Variants in FYB2 observed in about 807,000 individuals in gnomAD.
FYB2 encodes FYN binding protein 2, also known as FYN-binding protein 2.
FYB2 carries 103 observed loss-of-function variants against 94.1 expected under a neutral mutation model. That is an observed-to-expected ratio of 1.09 (90% confidence interval 0.93 to 1.29). FYB2 has a LOEUF of 1.29. FYB2 is among the 50% of genes most tolerant of loss of function. The pLI is 0.00. For synonymous variants in FYB2, 293 were observed against 287.9 expected (o/e 1.02, Z -0.18); for missense variants, 896 against 841.5 (o/e 1.06, Z -0.80).
At position 56,720,193 on chromosome 1, in the gene FYB2, C is replaced by A; in HGVS notation, c.2111G>T (p.Cys704Phe). ...IDTTEQNLVI[C>F]RNSKGKYGYV... Reference sequence around the variant, plus strand: ...CTTACATTTGCCTTTAGAATTACGACATATCACTAGATTTTGTTCGGTGGT... The same window carrying A: ...CTTACATTTGCCTTTAGAATTACGAAATATCACTAGATTTTGTTCGGTGGT... The change falls in exon 18 of 20, where the codon TGT becomes TTT. Residue 704 changes from cysteine (C) to phenylalanine (F), a missense_variant. Cys to Phe is a radical substitution (Grantham distance 205). Transcript: ENST00000343433. 6.2e-7 allele frequency: 1 copy of A among 1,610,622 alleles called. No homozygotes were observed. The highest frequency in any genetic ancestry group is 8.5e-7 in the Non-Finnish European group (1 of 1,178,598).
At chr1:56,737,981 C>G (rs1356255889) in intron 14 of FYB2, among the ~76,000 whole-genome samples, 1 of 151,998 alleles carries the variant, frequency 6.6e-6, no homozygotes, top group Non-Finnish European at 1.5e-5. Context: ...TTTGAATTGT[C>G]AAGTTCGAGT....
In FYB2 at chr1:56,719,284, A is replaced by G. The variant is rs1435045992; in HGVS notation, c.*387T>C. The G allele has an allele frequency of 1.4e-4, 24 of 169,176 alleles. No homozygotes were observed. Among genetic ancestry groups the G allele is most frequent in the Non-Finnish European group, 2.4e-4 (19 of 78,896 alleles). The allele number at this position is 169,176 out of a possible 1,614,324, so 10.5% of individuals were successfully genotyped here. The stretch of plus-strand genomic sequence containing the variant: ...TACCAAGTTTGAGTGCACAACATCT[A>G]GAAATTACAAATGCTCATATACTAA... On this transcript the variant is annotated 3_prime_UTR_variant, in exon 20 of 20. Coordinates refer to ENST00000343433, the MANE Select transcript of FYB2 (RefSeq NM_001004303.5).
intron 14 of FYB2, among the ~76,000 whole-genome samples, 190 bp downstream of exon 14, chr1:56,738,435 G>A (rs1265831375): frequency 6.6e-6 from 1 of 152,080 alleles, no homozygotes; most frequent in African/African-American, 2.4e-5. Flanking sequence ...TATGTAGTAG[G>A]TACTTGAGAA....
At chr1:56,819,465 C>G (rs950289866), upstream of FYB2, 2 of 905,568 alleles carry the variant, frequency 2.2e-6, no homozygotes, top group Non-Finnish European at 3.4e-6. Flanking sequence ...CCTCCCTTGC[C>G]TGGGGCTGGG....
chr1:56,755,874 T>TC, intron 7 of FYB2, 22 bp downstream of exon 7: 2 of 1,592,744 alleles, frequency 1.3e-6, no homozygotes, highest in South Asian at 2.2e-5. Flanking sequence ...CAGGTGCTTT[T>TC]CTTTTGAAAG....
At chr1:56,722,982 GA>G (rs1244433968) in intron 17 of FYB2, among the ~76,000 whole-genome samples, 1 of 151,934 alleles carries the variant, frequency 6.6e-6, no homozygotes, top group African/African-American at 2.4e-5. Flanking sequence ...TTAGAATAAT[GA>G]AAAAATGTCC....
At chr1:56,768,065 G>C (rs977757078) in intron 4 of FYB2, 127 bp from the exon 5 acceptor site, 2 of 642,992 alleles carry the variant, frequency 3.1e-6, no homozygotes, top group African/African-American at 3.7e-5. Flanking sequence ...AGCATATATG[G>C]GAGGCACACT....
intron 9 of FYB2, among the ~76,000 whole-genome samples, chr1:56,750,482 C>T (rs1289275622): frequency 6.6e-6 from 1 of 151,966 alleles, no homozygotes; most frequent in Non-Finnish European, 1.5e-5. Context: ...CATGGCTAGA[C>T]TTTCTGCTAG....
At chr1:56,725,655 C>A (rs1644569703) in intron 16 of FYB2, among the ~76,000 whole-genome samples, 1 of 151,986 alleles carries the variant, frequency 6.6e-6, no homozygotes, top group Non-Finnish European at 1.5e-5. Context: ...GTTAATACAT[C>A]TTTCCAGCCT....
chr1:56,740,363 A>G (rs1031343960), intron 13 of FYB2, among the ~76,000 whole-genome samples: 2 of 152,212 alleles, frequency 1.3e-5, no homozygotes, highest in East Asian at 3.9e-4. Context: ...ATAAAAGGAC[A>G]TGGTAAGTAA....
intron 4 of FYB2, among the ~76,000 whole-genome samples, chr1:56,769,028 A>T (rs1342248626): frequency 6.6e-6 from 1 of 151,984 alleles, no homozygotes; most frequent in Non-Finnish European, 1.5e-5. Context: ...GTGAATTATT[A>T]TCATTAGTAT....
chr1:56,720,538 T>G (rs1644465844), intron 17 of FYB2: 1 of 393,782 alleles, frequency 2.5e-6, no homozygotes, highest in African/African-American at 2.1e-5. Context: ...CAATCTCACA[T>G]TTGTTTGGTA....
chr1:56,783,344 G>A (rs1309244332), intron 4 of FYB2, among the ~76,000 whole-genome samples: 1 of 152,140 alleles, frequency 6.6e-6, no homozygotes, highest in Non-Finnish European at 1.5e-5. Context: ...ACCTGCACTT[G>A]TTCCTTTATA....
intron 1 of FYB2, among the ~76,000 whole-genome samples, chr1:56,802,304 C>T (rs148145630): frequency 1.9e-3 from 289 of 152,290 alleles, no homozygotes; most frequent in Middle Eastern, 0.014. Flanking sequence ...ATTGTATCTT[C>T]GGCTGATAGC....
intron 6 of FYB2, among the ~76,000 whole-genome samples, chr1:56,756,511 G>A (rs1003225154): frequency 6.6e-6 from 1 of 151,986 alleles, no homozygotes; most frequent in Non-Finnish European, 1.5e-5. Flanking sequence ...AAATATCTAA[G>A]CATCTAAAAT....
intron 15 of FYB2, among the ~76,000 whole-genome samples, chr1:56,731,577 T>C (rs191376330): frequency 6.6e-6 from 1 of 152,140 alleles, no homozygotes; most frequent in Admixed American, 6.5e-5. Flanking sequence ...ATCACTGGCT[T>C]CATCATGTGA....
intron 4 of FYB2, among the ~76,000 whole-genome samples, chr1:56,768,255 T>A (rs1645673850): frequency 6.6e-6 from 1 of 152,154 alleles, no homozygotes. Flanking sequence ...AAAGGGAAAT[T>A]GAGACCAGAT....
At chr1:56,727,055 T>C (rs1281429367) in intron 15 of FYB2, among the ~76,000 whole-genome samples, 1 of 151,986 alleles carries the variant, frequency 6.6e-6, no homozygotes, top group Non-Finnish European at 1.5e-5. Flanking sequence ...CAAAAGAGAA[T>C]GCAGGGAAGG....
At chr1:56,787,768 A>T (rs10889016) in intron 3 of FYB2, among the ~76,000 whole-genome samples, 42,746 of 152,076 alleles carry the variant, frequency 0.28, 8,300 homozygotes, top group African/African-American at 0.53. Context: ...AGAAGCTGGG[A>T]TCTACAAAGC....
Sources: allele counts gnomAD v4.1 joint callset (sites outside exome capture counted in the v4.1 genomes callset), GRCh38; gene constraint gnomAD v4.1.1; transcripts MANE v1.5; gene names NCBI Gene and HGNC (gene_info 2026-07-23, HGNC 2026-07-21).